UIMC1: variants seen among roughly 807,000 people sequenced by gnomAD.
UIMC1 encodes BRCA1-A complex subunit RAP80.
In UIMC1, 42 loss-of-function variants were observed where a neutral mutation model predicts 84.9. The ratio of observed to expected loss-of-function variants is 0.49; its 90% CI spans 0.39 to 0.64. The LOEUF is 0.64. UIMC1 is among the 30% of genes least tolerant of loss of function. UIMC1 has a pLI of 0.00. For missense variants in UIMC1, 825 were observed against 847.6 expected (o/e 0.97, Z 0.33); for synonymous variants, 281 against 293.0 (o/e 0.96, Z 0.42).
rs760704602 is a variant in UIMC1 at position 176,943,376 on chromosome 5, C to T, written c.1556G>A (p.Arg519Gln). Residue 519 changes from arginine (R) to glutamine (Q), a missense_variant, in exon 10 of 15, where the codon CGA becomes CAA. By Grantham distance (43) the Arg-to-Gln change is conservative. Transcript: ENST00000511320. ...CAGACCATTGCAGTACATGGCATGT[C>T]GTTCAATCTTTGTGGGTGGAAAGCA... Reference protein sequence around the residue: ...DQCFPPTKIERHAMYCNGLME... With the variant: ...DQCFPPTKIEQHAMYCNGLME... The T allele has an allele frequency of 3.7e-6, 6 of 1,614,126 alleles. No homozygotes were observed. The highest frequency in any genetic ancestry group is 1.3e-5 in the African/African-American group (1 of 75,038).
intron 3 of UIMC1, among the ~76,000 whole-genome samples, chr5:176,974,999 T>G (rs547361145): frequency 4.6e-5 from 7 of 151,324 alleles, no homozygotes; most frequent in Non-Finnish European, 1.0e-4. Flanking sequence ...AAAAAAAAAT[T>G]AAAATTAGCC....
At chr5:176,959,757 C>T (rs990106929) in intron 6 of UIMC1, among the ~76,000 whole-genome samples, 3 of 150,804 alleles carry the variant, frequency 2.0e-5, no homozygotes, top group African/African-American at 7.3e-5. Flanking sequence ...TTTGGCCAGG[C>T]GCGGTGGCTC....
chr5:176,968,892 T>C lies in UIMC1; in HGVS notation c.863A>G (p.Asp288Gly). The change falls in exon 6 of 15, where the codon GAC (aspartate) becomes GGC (glycine). Residue 288 changes from aspartate to glycine, a missense_variant. Transcript: ENST00000511320. ...WGIPFCPDGV[D>G]PNQYTKVILC... ...AATGACCTTGGTATACTGGTTAGGG[T>C]CTACTCCATCAGGGCAGAATGGAAT... 1 of 1,613,990 alleles carries C rather than the reference T, an allele frequency of 6.2e-7. No individual in the cohort carries two copies. The highest frequency in any genetic ancestry group is 1.3e-5 in the African/African-American group (1 of 75,006).
intron 1 of UIMC1, among the ~76,000 whole-genome samples, chr5:176,991,486 C>A (rs1462393741): frequency 6.6e-6 from 1 of 151,866 alleles, no homozygotes; most frequent in Non-Finnish European, 1.5e-5. Context: ...CACAGAAAGA[C>A]TGCCTCTCGA....
At chr5:176,943,712 T>A (rs1453705662) in intron 9 of UIMC1, among the ~76,000 whole-genome samples, 1 of 152,254 alleles carries the variant, frequency 6.6e-6, no homozygotes, top group Non-Finnish European at 1.5e-5. Flanking sequence ...ATTACTCGTT[T>A]ATCAGTAAGT....
At chr5:176,907,964 G>T (rs1262761684) in intron 12 of UIMC1, among the ~76,000 whole-genome samples, 7 of 152,110 alleles carry the variant, frequency 4.6e-5, no homozygotes, top group Non-Finnish European at 8.8e-5. Context: ...CCAATAATAG[G>T]TGTATGGTTA....
chr5:177,002,825 G>C (rs1425499794), intron 1 of UIMC1, among the ~76,000 whole-genome samples: 1 of 151,892 alleles, frequency 6.6e-6, no homozygotes, highest in Non-Finnish European at 1.5e-5. Context: ...ATAAATATTT[G>C]ATGAGTGAAT....
chr5:176,987,472 C>A (rs1188315584), intron 1 of UIMC1, among the ~76,000 whole-genome samples: 1 of 150,132 alleles, frequency 6.7e-6, no homozygotes, highest in South Asian at 2.1e-4. Flanking sequence ...ATGGTGAAAC[C>A]CCATCTCTAC....
chr5:176,977,223 CAAAAAAA>C (rs1016279747), intron 2 of UIMC1, among the ~76,000 whole-genome samples: 21 of 71,624 alleles, frequency 2.9e-4, no homozygotes, highest in Admixed American at 1.7e-3. Context: ...GATTCTGTCT[CAAAAAAA>C]AAAAAAAAAA....
At position 176,920,271 on chromosome 5, in the gene UIMC1, G is replaced by A. The variant is rs1259216021; in HGVS notation, c.1598-8882C>T. The stretch of plus-strand genomic sequence containing the variant: ...TCGAACTCCTGACCTCAGGTGATCC[G>A]CCCACCTCAGCCTCCCAAAGTGCTG... On this transcript the variant is annotated intron_variant, in intron 10 of 14. Coordinates refer to ENST00000511320, the MANE Select transcript of UIMC1 (RefSeq NM_001199298.2). 2.0e-5 allele frequency among the ~76,000 whole-genome samples: 3 copies of A among 151,736 alleles called. No homozygotes were observed. In the East Asian group the frequency reaches 5.8e-4, roughly 29 times the overall value.
intron 9 of UIMC1, among the ~76,000 whole-genome samples, chr5:176,946,373 G>A (rs563101125): frequency 2.0e-5 from 3 of 152,012 alleles, no homozygotes; most frequent in African/African-American, 7.3e-5. Flanking sequence ...TTAGCTGGGC[G>A]TGGTGGCACG....
At chr5:176,932,331 C>T (rs1763194722) in intron 10 of UIMC1, among the ~76,000 whole-genome samples, 1 of 152,168 alleles carries the variant, frequency 6.6e-6, no homozygotes, top group Admixed American at 6.5e-5. Context: ...CTTTGGTTTC[C>T]TCTGTCAAAA....
At chr5:176,975,242 A>G (rs185555608) in intron 3 of UIMC1, among the ~76,000 whole-genome samples, 154 bp downstream of exon 3, 1 of 152,308 alleles carries the variant, frequency 6.6e-6, no homozygotes, top group East Asian at 1.9e-4. Flanking sequence ...TATTGTTCCA[A>G]TCCTTACAAC....
intron 1 of UIMC1, among the ~76,000 whole-genome samples, chr5:176,988,679 A>ATTTT (rs377752493): frequency 7.4e-6 from 1 of 135,766 alleles, no homozygotes. Context: ...TGTTAGGTGA[A>ATTTT]TTTTTTTTTT....
chr5:176,931,064 A>G (rs7718874), intron 10 of UIMC1, among the ~76,000 whole-genome samples: 87,767 of 152,046 alleles, frequency 0.58, 27,060 homozygotes, highest in African/African-American at 0.81. Context: ...CTAGCTCTGG[A>G]CCTTGGCTCT....
At chr5:176,947,320 G>A (rs891808756) in intron 9 of UIMC1, among the ~76,000 whole-genome samples, 6 of 152,090 alleles carry the variant, frequency 3.9e-5, no homozygotes, top group Admixed American at 3.9e-4. Context: ...TGCAGTCAGG[G>A]ATTTCTTTGC....
chr5:176,972,494 G>C (rs1769397339), intron 3 of UIMC1, among the ~76,000 whole-genome samples: 1 of 152,098 alleles, frequency 6.6e-6, no homozygotes, highest in African/African-American at 2.4e-5. Context: ...CCAGCACTTT[G>C]GGAGGCCAAG....
At chr5:176,972,768 T>C (rs1303573430) in intron 3 of UIMC1, among the ~76,000 whole-genome samples, 1 of 151,940 alleles carries the variant, frequency 6.6e-6, no homozygotes, top group Non-Finnish European at 1.5e-5. Flanking sequence ...TTAAAATGCA[T>C]AAACCTCTTA....
chr5:176,993,924 C>T (rs1230899688), intron 1 of UIMC1, among the ~76,000 whole-genome samples: 1 of 151,568 alleles, frequency 6.6e-6, no homozygotes, highest in African/African-American at 2.4e-5. Flanking sequence ...AGGAGAACTG[C>T]TTGCACTCAG....
Sources: allele counts gnomAD v4.1 joint callset (sites outside exome capture counted in the v4.1 genomes callset), GRCh38; gene constraint gnomAD v4.1.1; transcripts MANE v1.5; gene names NCBI Gene and HGNC (gene_info 2026-07-23, HGNC 2026-07-21).